The following IFT122 variants were observed in gnomAD, a reference collection of about 807,000 sequenced individuals.
IFT122 encodes the protein intraflagellar transport 122.
In IFT122, 118 loss-of-function variants were observed where a neutral mutation model predicts 161.6. The observed-to-expected ratio is 0.73, with a 90% confidence interval of 0.63 to 0.85. The LOEUF is 0.85. Among genes scored for constraint, IFT122 ranks in the 40% least tolerant of loss-of-function variants. The pLI, the probability that IFT122 is intolerant of heterozygous loss-of-function variation, is 0.00. For synonymous variants in IFT122, 550 were observed against 602.4 expected, an observed-to-expected ratio of 0.91 and a Z score of 1.27; for missense variants, 1,381 against 1,579.6, an observed-to-expected ratio of 0.87 and a Z score of 2.13.
intron 17 of IFT122, among the ~76,000 whole-genome samples, chr3:129,494,706 G>A (rs2080623105): frequency 6.6e-6 from 1 of 152,104 alleles, no homozygotes; most frequent in African/African-American, 2.4e-5. Flanking sequence ...GTGTGTGTGT[G>A]TGTTGTTGGG....
chr3:129,519,019 C>G (rs1489129323), intron 27 of IFT122, 88 bp from the exon 28 acceptor site: 13 of 1,154,250 alleles, frequency 1.1e-5, no homozygotes, highest in Non-Finnish European at 1.7e-5. Flanking sequence ...TCTGGCTGCC[C>G]TTGAGTCTTC....
In IFT122 at chr3:129,458,591, A is replaced by C. The variant is rs1308585856; in HGVS notation, c.194-8A>C. 6 of 1,612,782 alleles carry C rather than the reference A, an allele frequency of 3.7e-6. No individual in the cohort carries two copies. The South Asian group carries it at 6.6e-5, about 18-fold the overall frequency. ...ATGTAAGACTTTCCATTTTACAAACACTTTTAGGCAAGCGCTTTGCTTCTG... is the reference window on the plus strand; with the variant it reads ...ATGTAAGACTTTCCATTTTACAAACCCTTTTAGGCAAGCGCTTTGCTTCTG... On this transcript the variant is annotated splice_polypyrimidine_tract_variant and splice_region_variant and intron_variant, in intron 3 of 29. Transcript: ENST00000348417.
At chr3:129,463,214 T>C (rs1457920855) in intron 5 of IFT122, 1 of 324,662 alleles carries the variant, frequency 3.1e-6, no homozygotes, top group East Asian at 7.7e-5. Flanking sequence ...GTGTATATTA[T>C]ATAGTTCTGT....
intron 3 of IFT122, among the ~76,000 whole-genome samples, chr3:129,454,513 TTGTG>T (rs61557048): frequency 0.021 from 2,763 of 131,238 alleles, 47 homozygotes; most frequent in South Asian, 0.051. Context: ...GTAGTCATAT[TTGTG>T]TGTGTGTGTG....
chr3:129,475,522 C>A (rs765661439), intron 9 of IFT122, among the ~76,000 whole-genome samples: 8 of 152,272 alleles, frequency 5.3e-5, no homozygotes, highest in South Asian at 4.1e-4. Flanking sequence ...CGTGTTCTCA[C>A]ACATCTGTAG....
chr3:129,482,499 C>T (rs936672742), intron 14 of IFT122, among the ~76,000 whole-genome samples: 7 of 152,150 alleles, frequency 4.6e-5, no homozygotes, highest in African/African-American at 1.7e-4. Context: ...GTCCCCTTAC[C>T]AGGCTCCTCC....
intron 19 of IFT122, among the ~76,000 whole-genome samples, chr3:129,501,613 C>T (rs1482068262): frequency 6.6e-6 from 1 of 152,204 alleles, no homozygotes; most frequent in Non-Finnish European, 1.5e-5. Context: ...TTGTCACTTT[C>T]ATTTGTAAGT....
chr3:129,470,866 C>G (rs2077297554), intron 9 of IFT122, among the ~76,000 whole-genome samples: 1 of 152,198 alleles, frequency 6.6e-6, no homozygotes, highest in African/African-American at 2.4e-5. Context: ...TGCCACCACG[C>G]CTGGCTGGAG....
rs577923581 is a variant in IFT122, at chr3:129,499,887, G to A, written c.2209-15G>A. ...GTTCTGATCCAGAGTGTTTTTGTTT[G>A]TTGTGCTTCCTCAGGATTTCCTTGG... On this transcript the variant is annotated splice_polypyrimidine_tract_variant and intron_variant, in intron 18 of 29. Coordinates refer to ENST00000348417, the MANE Select transcript of IFT122 (RefSeq NM_052989.3). 1.2e-6 allele frequency: 2 copies of A among 1,613,930 alleles called. No individual in the cohort carries two copies. The highest frequency in any genetic ancestry group is 1.3e-5 in the African/African-American group (1 of 75,052).
intron 26 of IFT122, among the ~76,000 whole-genome samples, chr3:129,516,879 C>CACAG (rs2108689892): frequency 1.4e-5 from 2 of 142,142 alleles, no homozygotes; most frequent in East Asian, 2.3e-4. Context: ...TGCACACACA[C>CACAG]AGACCGCTCC....
Position 129,473,141 on chromosome 3 carries a change from C to T in IFT122, c.817-3174C>T, listed in dbSNP as rs74915976. On this transcript the variant is annotated intron_variant, in intron 9 of 29. Transcript: ENST00000348417. ...CATAGAGAGACTCCATCCCTAAAAA[C>T]GAACAAACAAATTGGCCAGGGAGGT... 5.7e-4 allele frequency among the ~76,000 whole-genome samples: 86 copies of T among 152,132 alleles called. No individual in the cohort carries two copies. In the East Asian group the frequency reaches 0.014, roughly 25 times the overall value.
rs545154429 is a variant in IFT122 at position 129,449,871 on chromosome 3, T to C, written c.42T>C (p.Cys14=). 2 of 1,609,562 alleles carry C rather than the reference T, an allele frequency of 1.2e-6. 1 individual carries two copies. Among genetic ancestry groups the C allele is most frequent in the South Asian group, 2.2e-5 (2 of 91,000 alleles). ...TCTTTTTCCCTTGTCTTCTGTTCAG[T>C]ATAAATGACATCGCATTTAAGCCTG... is the stretch of plus-strand genomic sequence containing the variant. ...VLTWRDKAEH[C]INDIAFKPDG... is the part of the protein sequence containing the mutation. Residue 14 remains cysteine (C), a splice_region_variant and synonymous_variant, in exon 2 of 30, where the codon TGT becomes TGC. Coordinates refer to ENST00000348417, the MANE Select transcript of IFT122 (RefSeq NM_052989.3).
rs117414351 is a variant in IFT122, at chr3:129,473,967, C to A, written c.817-2348C>A. 2.0e-4 allele frequency among the ~76,000 whole-genome samples: 31 copies of A among 152,274 alleles called. 1 individual carries two copies. The East Asian group carries it at 5.8e-3, about 28-fold the overall frequency. ...GATTGGTCCGATGGGAACTAGTGAG[C>A]CATTTCCAGAAGCTGCTAGCCTTCC... On this transcript the variant is annotated intron_variant, in intron 9 of 29. Transcript: ENST00000348417.
chr3:129,509,103 C>T (rs1480890862), intron 23 of IFT122, among the ~76,000 whole-genome samples: 1 of 152,158 alleles, frequency 6.6e-6, no homozygotes, highest in Admixed American at 6.5e-5. Context: ...CTGGTCATCA[C>T]GGTTGTCATG....
rs148462309 is a variant in IFT122 at position 129,508,181 on chromosome 3, T to C, written c.2886+419T>C. On this transcript the variant is annotated intron_variant, in intron 23 of 29. Transcript: ENST00000348417. ...TTCAGCAATTCACTTTCCCTCTCTGTCCCTCAGTTTCCTTCTCTGTGAAAC... is the reference window on the plus strand; with the variant it reads ...TTCAGCAATTCACTTTCCCTCTCTGCCCCTCAGTTTCCTTCTCTGTGAAAC... 6.6e-5 allele frequency among the ~76,000 whole-genome samples: 10 copies of C among 152,366 alleles called. No homozygotes were observed. In the East Asian group the frequency reaches 1.9e-3, roughly 29 times the overall value.
intron 21 of IFT122, among the ~76,000 whole-genome samples, chr3:129,505,287 T>C (rs2082075732): frequency 6.6e-6 from 1 of 152,214 alleles, no homozygotes; most frequent in Non-Finnish European, 1.5e-5. Flanking sequence ...AGCCTTCTAA[T>C]GGAAGTTGGG....
chr3:129,503,488 C>T (rs1253593845), intron 20 of IFT122, among the ~76,000 whole-genome samples: 2 of 152,118 alleles, frequency 1.3e-5, no homozygotes, highest in Non-Finnish European at 2.9e-5. Flanking sequence ...GGCTCAACCC[C>T]CACCCTCCAG....
chr3:129,454,554 T>C (rs1324687877), intron 3 of IFT122, among the ~76,000 whole-genome samples: 3 of 150,098 alleles, frequency 2.0e-5, no homozygotes, highest in Admixed American at 6.6e-5. Context: ...TGTGTGTGTG[T>C]GTGCATGTTT....
chr3:129,470,761 G>A (rs6771214), intron 9 of IFT122, among the ~76,000 whole-genome samples: 5,477 of 151,916 alleles, frequency 0.036, 306 homozygotes, highest in African/African-American at 0.11. Flanking sequence ...GTAGAGACGG[G>A]GTTTCTCCAT....
Sources: gnomAD v4.1 joint callset for allele counts (sites outside exome capture counted in the v4.1 genomes callset) on GRCh38, gnomAD v4.1.1 for gene constraint, MANE v1.5 for transcripts, NCBI Gene and HGNC (gene_info 2026-07-23, HGNC 2026-07-21) for gene names.